Variants in VPS13B observed in about 807,000 individuals in gnomAD.
VPS13B encodes intermembrane lipid transfer protein VPS13B.
Under a neutral mutation model 426.4 loss-of-function variants are expected in VPS13B, and 285 were observed. The observed-to-expected ratio is 0.67, with a 90% CI of 0.61 to 0.74. VPS13B has a LOEUF of 0.74. VPS13B is among the 30% of genes least tolerant of loss of function. VPS13B has a pLI of 0.00. For missense variants in VPS13B, 4,537 were observed against 4,782.6 expected, an observed-to-expected ratio of 0.95 and a Z score of 1.51; for synonymous variants, 1,676 against 1,676.4, an observed-to-expected ratio of 1.00 and a Z score of 0.01.
intron 19 of VPS13B, among the ~76,000 whole-genome samples, chr8:99,369,404 G>A (rs1035222282): frequency 2.0e-5 from 3 of 152,146 alleles, no homozygotes; most frequent in Non-Finnish European, 2.9e-5. Flanking sequence ...ATACATATCC[G>A]CAAGGCATAG....
chr8:99,232,497 G>T (rs1294138454), intron 17 of VPS13B, among the ~76,000 whole-genome samples: 1 of 151,916 alleles, frequency 6.6e-6, no homozygotes, highest in African/African-American at 2.4e-5. Flanking sequence ...GTCTAGAAAA[G>T]CCTGCTTTCT....
chr8:99,816,172 G>A (rs924851772), intron 44 of VPS13B, among the ~76,000 whole-genome samples: 1 of 148,934 alleles, frequency 6.7e-6, no homozygotes, highest in African/African-American at 2.5e-5. Context: ...GTGTGATCTC[G>A]GCTCACCGCA....
Position 99,565,801 on chromosome 8 carries a change from G to A in VPS13B, c.4949+9148G>A, listed in dbSNP as rs989109220. Among the ~76,000 whole-genome samples, 5 of 152,210 alleles carry A rather than the reference G, an allele frequency of 3.3e-5. No individual in the cohort carries two copies. The East Asian group carries it at 9.7e-4, about 29-fold the overall frequency. On this transcript the variant is annotated intron_variant, in intron 31 of 61. Coordinates refer to ENST00000357162, the MANE Select transcript of VPS13B (RefSeq NM_152564.5). ...CATCACTTTTATCTTACTAATTTGT[G>A]AGGACGTCAAGCTAAGACCTAAGCA...
At chr8:99,627,280 T>TA (rs949988503) in intron 33 of VPS13B, among the ~76,000 whole-genome samples, 2 of 151,816 alleles carry the variant, frequency 1.3e-5, no homozygotes, top group African/African-American at 4.8e-5. Flanking sequence ...TGTATCACCA[T>TA]AAAAAAATAG....
chr8:99,123,203 A>G (rs1848037245), intron 8 of VPS13B, among the ~76,000 whole-genome samples: 1 of 151,826 alleles, frequency 6.6e-6, no homozygotes, highest in Non-Finnish European at 1.5e-5. Context: ...CAGAGGGGAT[A>G]TTATGCAGTT....
chr8:99,252,111 A>G (rs1452423001), intron 17 of VPS13B, among the ~76,000 whole-genome samples: 2 of 151,726 alleles, frequency 1.3e-5, no homozygotes, highest in Non-Finnish European at 2.9e-5. Flanking sequence ...GTCCATGCTT[A>G]CTTTGGTTTT....
chr8:99,665,457 A>G (rs1278807801), intron 35 of VPS13B, among the ~76,000 whole-genome samples: 2 of 152,224 alleles, frequency 1.3e-5, no homozygotes, highest in Non-Finnish European at 2.9e-5. Context: ...TTTAGATCTA[A>G]CATTTAAGTC....
intron 33 of VPS13B, among the ~76,000 whole-genome samples, chr8:99,610,430 C>T (rs1827793368): frequency 6.6e-6 from 1 of 152,158 alleles, no homozygotes; most frequent in Non-Finnish European, 1.5e-5. Context: ...AGTTCATGTC[C>T]TTTGCGGGGA....
At chr8:99,547,075 C>T (rs1301565133) in intron 30 of VPS13B, among the ~76,000 whole-genome samples, 1 of 151,982 alleles carries the variant, frequency 6.6e-6, no homozygotes, top group Non-Finnish European at 1.5e-5. Context: ...AGTTAGAGAG[C>T]TGTAATGACC....
At chr8:99,260,602 C>T (rs1337989201) in intron 17 of VPS13B, among the ~76,000 whole-genome samples, 2 of 151,892 alleles carry the variant, frequency 1.3e-5, no homozygotes, top group African/African-American at 2.4e-5. Context: ...AACCTATTTG[C>T]AATAGGTTAA....
chr8:99,731,886 A>G (rs1281022226), intron 39 of VPS13B, among the ~76,000 whole-genome samples: 6 of 151,434 alleles, frequency 4.0e-5, no homozygotes, highest in African/African-American at 1.5e-4. Flanking sequence ...CTTTACACAC[A>G]TTCTATCTAA....
chr8:99,167,208 C>T (rs993081242), intron 15 of VPS13B, among the ~76,000 whole-genome samples: 18 of 152,062 alleles, frequency 1.2e-4, no homozygotes, highest in African/African-American at 4.3e-4. Flanking sequence ...TTCTTTTCCC[C>T]TGAAGAGTTT....
At chr8:99,452,347 C>CA (rs988563383) in intron 23 of VPS13B, among the ~76,000 whole-genome samples, 1 of 152,186 alleles carries the variant, frequency 6.6e-6, no homozygotes, top group African/African-American at 2.4e-5. Context: ...GTACTCCAGT[C>CA]ATCACTTTTA....
At chr8:99,196,665 C>T (rs1007849997) in intron 17 of VPS13B, among the ~76,000 whole-genome samples, 7 of 152,010 alleles carry the variant, frequency 4.6e-5, no homozygotes, top group African/African-American at 1.7e-4. Flanking sequence ...TCTTGAACTC[C>T]TTACCTCAAG....
chr8:99,447,925 T>C (rs572973679), intron 23 of VPS13B, among the ~76,000 whole-genome samples: 1 of 151,938 alleles, frequency 6.6e-6, no homozygotes, highest in Non-Finnish European at 1.5e-5. Context: ...CCCATCATTC[T>C]TTATACCTTC....
intron 19 of VPS13B, among the ~76,000 whole-genome samples, chr8:99,372,144 G>A (rs532098350): frequency 3.0e-4 from 46 of 151,490 alleles, no homozygotes; most frequent in Non-Finnish European, 4.7e-4. Flanking sequence ...CCAGCTACTC[G>A]GGAGGCTGAG....
intron 54 of VPS13B, among the ~76,000 whole-genome samples, chr8:99,842,281 A>G (rs751975929): frequency 6.6e-6 from 1 of 152,158 alleles, no homozygotes; most frequent in Non-Finnish European, 1.5e-5. Flanking sequence ...GCAGCAAAAG[A>G]TGAGTGTGAT....
chr8:99,138,342 G>A (rs1810196996), intron 12 of VPS13B, among the ~76,000 whole-genome samples: 2 of 152,168 alleles, frequency 1.3e-5, no homozygotes, highest in Admixed American at 6.5e-5. Flanking sequence ...GGCCAGGCTG[G>A]ACTTGAACTC....
At chr8:99,767,165 T>A (rs1359012027) in intron 40 of VPS13B, among the ~76,000 whole-genome samples, 195 bp downstream of exon 40, 1 of 152,114 alleles carries the variant, frequency 6.6e-6, no homozygotes, top group Non-Finnish European at 1.5e-5. Context: ...CCTGTGTTTT[T>A]ACTCATAATA....
Sources: gnomAD v4.1 joint callset for allele counts (sites outside exome capture counted in the v4.1 genomes callset) on GRCh38, gnomAD v4.1.1 for gene constraint, MANE v1.5 for transcripts, NCBI Gene and HGNC (gene_info 2026-07-23, HGNC 2026-07-21) for gene names.